Variants in SYNPO2 observed in about 807,000 individuals in gnomAD.
SYNPO2 encodes the protein synaptopodin 2.
In SYNPO2, 56 loss-of-function variants were observed where a neutral mutation model predicts 85.0. That is an observed-to-expected ratio of 0.66 (90% CI 0.53 to 0.82). The LOEUF is 0.82. SYNPO2 is among the 40% of genes least tolerant of loss of function. SYNPO2 has a pLI of 0.00. For missense variants in SYNPO2, 1,575 were observed against 1,534.2 expected (o/e 1.03, Z -0.44); for synonymous variants, 602 against 591.1 (o/e 1.02, Z -0.27).
At chr4:119,011,987 A>G (rs911698587) in intron 1 of SYNPO2, among the ~76,000 whole-genome samples, 2 of 136,052 alleles carry the variant, frequency 1.5e-5, no homozygotes, top group Admixed American at 8.5e-5. Context: ...CAGTGGAGCC[A>G]TCTTGGCTCA....
intron 1 of SYNPO2, among the ~76,000 whole-genome samples, chr4:118,990,170 T>C (rs1736359411): frequency 6.6e-6 from 1 of 152,150 alleles, no homozygotes; most frequent in South Asian, 2.1e-4. Context: ...CAAGTATGGG[T>C]AATAATACCT....
intron 1 of SYNPO2, among the ~76,000 whole-genome samples, chr4:118,900,047 C>A (rs1732670006): frequency 6.6e-6 from 1 of 152,178 alleles, no homozygotes. Flanking sequence ...CAGGCGTGAG[C>A]CACCGCACCC....
chr4:118,977,030 A>G (rs1423498439), intron 1 of SYNPO2, among the ~76,000 whole-genome samples: 1 of 152,238 alleles, frequency 6.6e-6, no homozygotes, highest in East Asian at 1.9e-4. Flanking sequence ...GCTGCCTGCC[A>G]GTCCGGCGCC....
At chr4:119,034,378 A>T in intron 4 of SYNPO2, 1 of 974,130 alleles carries the variant, frequency 1.0e-6, no homozygotes, top group Middle Eastern at 5.3e-4. Context: ...GTGGTGTGGT[A>T]TGCAGGAATG....
intron 1 of SYNPO2, among the ~76,000 whole-genome samples, chr4:118,950,234 T>A (rs1400022243): frequency 6.6e-6 from 1 of 152,252 alleles, no homozygotes; most frequent in Non-Finnish European, 1.5e-5. Flanking sequence ...TTGCATATAA[T>A]CTTTTGCAAG....
intron 4 of SYNPO2, chr4:119,035,674 C>A: frequency 1.0e-6 from 1 of 985,336 alleles, no homozygotes; most frequent in Non-Finnish European, 1.2e-6. Context: ...ATCTGAGCTA[C>A]AAATAGTTCT....
At chr4:118,921,061 C>T (rs1048861873) in intron 1 of SYNPO2, among the ~76,000 whole-genome samples, 3 of 152,010 alleles carry the variant, frequency 2.0e-5, no homozygotes, top group Admixed American at 6.6e-5. Context: ...CGCATCAACA[C>T]GCATGGCTAT....
intron 1 of SYNPO2, among the ~76,000 whole-genome samples, chr4:118,961,175 C>A (rs1216283829): frequency 3.5e-5 from 5 of 141,624 alleles, no homozygotes. Context: ...TAGGGAGAAC[C>A]TACTGGCCTC....
intron 1 of SYNPO2, among the ~76,000 whole-genome samples, chr4:118,862,714 T>G (rs1731631430): frequency 6.6e-6 from 1 of 152,232 alleles, no homozygotes; most frequent in Non-Finnish European, 1.5e-5. Context: ...TAATGTGTGT[T>G]TGAATTCAGT....
chr4:119,030,348 G>T lies in SYNPO2; in HGVS notation c.1573G>T (p.Ala525Ser), dbSNP rs1738171832. Residue 525 changes from alanine (A) to serine (S), a missense_variant, in exon 4 of 5, where the codon GCC becomes TCC. By Grantham distance (99) the Ala-to-Ser change is moderately conservative. This residue lies in a region of SYNPO2 where 1,508 missense variants were observed against 1,446.8 expected (regional missense o/e 1.04). Transcript: ENST00000307142. ...AACGCCAAGCAGAGAACAAGATGCTGCCCAGACCGATGGCCTGAGAACCAC... is the reference window on the plus strand; with the variant it reads ...AACGCCAAGCAGAGAACAAGATGCTTCCCAGACCGATGGCCTGAGAACCAC... ...GGTPSREQDA[A>S]QTDGLRTTTS... 5 of 1,614,144 alleles carry T rather than the reference G, an allele frequency of 3.1e-6. No homozygotes were observed. Among genetic ancestry groups the T allele is most frequent in the Non-Finnish European group, 4.2e-6 (5 of 1,180,044 alleles).
At position 118,852,804 on chromosome 4, in the gene SYNPO2, C is replaced by T. The variant is rs1004623919; in HGVS notation, c.12+1864C>T. Among the ~76,000 whole-genome samples the T allele has an allele frequency of 2.6e-5, 4 of 152,236 alleles. No individual in the cohort carries two copies. In the East Asian group the frequency reaches 7.7e-4, roughly 29 times the overall value. On this transcript the variant is annotated intron_variant, in intron 1 of 4. Transcript: ENST00000610556. ...TACCGGAGTGACAAAATAATCTGTA[C>T]AACAAACCCCATTACACAAGTTTAC...
intron 1 of SYNPO2, among the ~76,000 whole-genome samples, chr4:118,961,099 G>A (rs1440703838): frequency 1.1e-5 from 1 of 94,618 alleles, no homozygotes; most frequent in Non-Finnish European, 2.0e-5. Context: ...CTATTTTACC[G>A]CCCCCCCCCC....
At chr4:118,909,226 G>C (rs1381728287) in intron 1 of SYNPO2, among the ~76,000 whole-genome samples, 1 of 152,214 alleles carries the variant, frequency 6.6e-6, no homozygotes, top group Admixed American at 6.5e-5. Flanking sequence ...TCTTTTCAGG[G>C]TTGTGAAACA....
intron 1 of SYNPO2, among the ~76,000 whole-genome samples, chr4:118,977,087 C>A (rs1735790930): frequency 1.3e-5 from 2 of 152,224 alleles, no homozygotes; most frequent in African/African-American, 4.8e-5. Context: ...GGACTGGGCG[C>A]CGTGGAGCAG....
chr4:118,961,017 C>T (rs1420949351), intron 1 of SYNPO2, among the ~76,000 whole-genome samples: 2 of 151,830 alleles, frequency 1.3e-5, no homozygotes, highest in South Asian at 2.1e-4. Flanking sequence ...AGATGTTCTA[C>T]TAGCTTCCTA....
In SYNPO2 at chr4:118,889,007, C is replaced by A. The variant is rs775904843; in HGVS notation, c.-30C>A. The stretch of plus-strand genomic sequence containing the variant: ...CCCAAGCTTCGTCTGTCTCGTCAAG[C>A]TCTTCATGCTGCCCAACTAAAAGGA... On this transcript the variant is annotated 5_prime_UTR_variant, in exon 1 of 5. Coordinates refer to ENST00000307142, the MANE Select transcript of SYNPO2 (RefSeq NM_133477.3). 8.7e-6 allele frequency: 14 copies of A among 1,609,532 alleles called. No homozygotes were observed. The African/African-American group carries it at 1.2e-4, about 14-fold the overall frequency.
chr4:118,917,017 G>T (rs1733360131), intron 1 of SYNPO2, among the ~76,000 whole-genome samples: 1 of 151,988 alleles, frequency 6.6e-6, no homozygotes, highest in Admixed American at 6.6e-5. Context: ...TTACAGGCCT[G>T]AGCCACCGTG....
At chr4:119,056,524 C>T (rs1310574205) in intron 4 of SYNPO2, among the ~76,000 whole-genome samples, 2 of 152,096 alleles carry the variant, frequency 1.3e-5, no homozygotes, top group African/African-American at 2.4e-5. Flanking sequence ...GCTCTGCACT[C>T]CAGCCTGGGC....
chr4:118,981,215 G>GT (rs1433279423), intron 1 of SYNPO2, among the ~76,000 whole-genome samples: 1 of 152,208 alleles, frequency 6.6e-6, no homozygotes, highest in African/African-American at 2.4e-5. Context: ...CACAGCGTGT[G>GT]TTTTTATCTG....
Sources: allele counts gnomAD v4.1 joint callset (sites outside exome capture counted in the v4.1 genomes callset), GRCh38; gene constraint gnomAD v4.1.1; regional missense constraint gnomAD v4.1.1; transcripts MANE v1.5; gene names NCBI Gene and HGNC (gene_info 2026-07-23, HGNC 2026-07-21).